The following BACH2 variants were observed in gnomAD, a reference collection of about 807,000 sequenced individuals.
BACH2 encodes the protein transcription regulator protein BACH2.
In BACH2, 5 loss-of-function variants were observed where a neutral mutation model predicts 61.8. The ratio of observed to expected loss-of-function variants is 0.08; its 90% confidence interval spans 0.04 to 0.17. BACH2 has a LOEUF of 0.17. Ranked by LOEUF, BACH2 falls within the 10% of genes least tolerant of loss-of-function variation. The pLI, the probability that BACH2 is intolerant of heterozygous loss-of-function variation, is 1.00. For synonymous variants in BACH2, 446 were observed against 440.1 expected (o/e 1.01, Z -0.17); for missense variants, 824 against 1,091.1 (o/e 0.76, Z 3.45).
chr6:90,024,941 C>T (rs1467840407), intron 5 of BACH2, among the ~76,000 whole-genome samples: 4 of 152,262 alleles, frequency 2.6e-5, no homozygotes, highest in East Asian at 3.9e-4. Flanking sequence ...CCTCAAAAGC[C>T]GTCTTAGGTA....
chr6:90,280,555 C>T (rs1048835531), intron 1 of BACH2, among the ~76,000 whole-genome samples: 1 of 152,152 alleles, frequency 6.6e-6, no homozygotes, highest in Admixed American at 6.5e-5. Flanking sequence ...ATCTTAAGAA[C>T]CATGAGGGAT....
At chr6:90,109,046 G>A (rs534386698) in intron 4 of BACH2, among the ~76,000 whole-genome samples, 6 of 152,068 alleles carry the variant, frequency 3.9e-5, no homozygotes, top group Non-Finnish European at 8.8e-5. Flanking sequence ...TGATGCCATC[G>A]CTTCCTCCAG....
intron 5 of BACH2, among the ~76,000 whole-genome samples, chr6:90,026,435 A>G (rs994305026): frequency 2.6e-5 from 4 of 152,202 alleles, no homozygotes; most frequent in African/African-American, 9.7e-5. Flanking sequence ...GAAGTCAAGA[A>G]GCAATATATT....
intron 1 of BACH2, among the ~76,000 whole-genome samples, chr6:90,294,431 T>C (rs1582575903): frequency 6.6e-6 from 1 of 152,176 alleles, no homozygotes; most frequent in Middle Eastern, 3.2e-3. Context: ...AAATGGGCAA[T>C]CAATAAATTT....
intron 3 of BACH2, among the ~76,000 whole-genome samples, chr6:90,210,727 G>A (rs966871090): frequency 7.9e-5 from 12 of 152,098 alleles, no homozygotes; most frequent in African/African-American, 4.8e-5. Context: ...AACTACAGAC[G>A]TCTTTAAAGG....
At chr6:90,159,108 G>A (rs1387553197) in intron 4 of BACH2, among the ~76,000 whole-genome samples, 1 of 152,152 alleles carries the variant, frequency 6.6e-6, no homozygotes, top group Non-Finnish European at 1.5e-5. Flanking sequence ...GTGTGACAAA[G>A]TCCTCTCAGA....
chr6:90,117,919 T>C (rs1389280314), intron 4 of BACH2, among the ~76,000 whole-genome samples: 2 of 152,204 alleles, frequency 1.3e-5, no homozygotes, highest in African/African-American at 4.8e-5. Context: ...CCTTTTCCTC[T>C]AAAGTCTTTT....
At chr6:89,996,755 A>G (rs1470424280) in intron 6 of BACH2, among the ~76,000 whole-genome samples, 12 of 152,162 alleles carry the variant, frequency 7.9e-5, no homozygotes, top group Admixed American at 5.9e-4. Context: ...CTGCAGCACA[A>G]ACAACTGCCA....
intron 6 of BACH2, among the ~76,000 whole-genome samples, chr6:90,002,391 T>A (rs1197687314): frequency 6.6e-6 from 1 of 152,224 alleles, no homozygotes; most frequent in African/African-American, 2.4e-5. Context: ...TAGGATAGAC[T>A]TCTCCCATGA....
At chr6:90,247,997 G>A (rs1770693078) in intron 3 of BACH2, among the ~76,000 whole-genome samples, 1 of 152,188 alleles carries the variant, frequency 6.6e-6, no homozygotes, top group African/African-American at 2.4e-5. Flanking sequence ...CTAGCTTAGA[G>A]TATATCATAG....
At chr6:90,057,539 A>G (rs1021000561) in intron 5 of BACH2, among the ~76,000 whole-genome samples, 3 of 152,244 alleles carry the variant, frequency 2.0e-5, no homozygotes, top group African/African-American at 7.2e-5. Flanking sequence ...GAATTCTACC[A>G]GAGGTACAAA....
Position 90,047,975 on chromosome 6 carries a change from G to A in BACH2, c.-12-39119C>T, listed in dbSNP as rs116752130. Among the ~76,000 whole-genome samples, 841 of 152,220 alleles carry A rather than the reference G, an allele frequency of 5.5e-3. 8 individuals are homozygous for A. The highest frequency in any genetic ancestry group is 0.019 in the African/African-American group (798 of 41,510). On this transcript the variant is annotated intron_variant, in intron 5 of 8. Transcript: ENST00000257749. ...TCAAATAAAACCTGAAGCAAACAGA[G>A]CACCTGTCTAGATGATAAGAGGCCT...
chr6:90,167,770 A>G (rs937060442), intron 4 of BACH2, among the ~76,000 whole-genome samples: 1 of 152,206 alleles, frequency 6.6e-6, no homozygotes, highest in Non-Finnish European at 1.5e-5. Context: ...ATGATTGAGA[A>G]AGAGAAACAT....
intron 3 of BACH2, among the ~76,000 whole-genome samples, chr6:90,250,932 C>T (rs532428472): frequency 1.2e-4 from 19 of 152,224 alleles, no homozygotes; most frequent in African/African-American, 4.1e-4. Flanking sequence ...TATTATTATT[C>T]TGTTTTACAG....
chr6:90,132,634 C>T (rs555168924), intron 4 of BACH2, among the ~76,000 whole-genome samples: 1 of 152,198 alleles, frequency 6.6e-6, no homozygotes, highest in Non-Finnish European at 1.5e-5. Flanking sequence ...ACCGTGGCTA[C>T]ACCATTACAA....
At chr6:90,279,522 CAA>C (rs10637718) in intron 1 of BACH2, among the ~76,000 whole-genome samples, 8 of 124,180 alleles carry the variant, frequency 6.4e-5, no homozygotes, top group African/African-American at 6.0e-5. Context: ...GACTCCGTCT[CAA>C]AAAAAAAAAA....
chr6:90,191,840 C>T (rs1010637064), intron 4 of BACH2, among the ~76,000 whole-genome samples: 1 of 152,148 alleles, frequency 6.6e-6, no homozygotes, highest in African/African-American at 2.4e-5. Context: ...CAAACTTCAT[C>T]CTAGACCCTT....
rs55909084 is a variant in BACH2 at position 89,930,114 on chromosome 6, G to GACACACACACACACAC, written c.*2278_*2293dup. On this transcript the variant is annotated 3_prime_UTR_variant, in exon 9 of 9. Transcript: ENST00000257749. The stretch of plus-strand genomic sequence containing the variant: ...CAGAGCTTTATCAAGATCTGTTTCA[G>GACACACACACACACAC]ACACACACACACACACACACACACA... 4 of 118,956 alleles carry GACACACACACACACAC rather than the reference G, an allele frequency of 3.4e-5. No homozygotes were observed. The highest frequency in any genetic ancestry group is 2.9e-4 in the South Asian group (1 of 3,444). The allele number at this position is 118,956 out of a possible 1,614,324, so 7.4% of individuals were successfully genotyped here. A position where few individuals can be genotyped will look rare whatever the true frequency, so the allele number is the denominator to read the frequency against.
chr6:90,098,042 T>C (rs892343705), intron 4 of BACH2, among the ~76,000 whole-genome samples: 1 of 152,210 alleles, frequency 6.6e-6, no homozygotes, highest in Non-Finnish European at 1.5e-5. Context: ...AAAAATGTTA[T>C]ACAACCCAGT....
Sources: gnomAD v4.1 joint callset for allele counts (sites outside exome capture counted in the v4.1 genomes callset) on GRCh38, gnomAD v4.1.1 for gene constraint, MANE v1.5 for transcripts, NCBI Gene and HGNC (gene_info 2026-07-23, HGNC 2026-07-21) for gene names.